Variants in PDE8B observed in about 807,000 individuals in gnomAD.
PDE8B encodes high affinity cAMP-specific and IBMX-insensitive 3',5'-cyclic phosphodiesterase 8B.
PDE8B carries 26 observed loss-of-function variants against 101.3 expected under a neutral mutation model. The ratio of observed to expected loss-of-function variants is 0.26; its 90% confidence interval spans 0.19 to 0.36. The LOEUF (loss-of-function observed/expected upper bound fraction) is 0.36, where lower values mean the gene tolerates loss of function less well. PDE8B is among the 10% of genes least tolerant of loss of function. PDE8B has a pLI of 1.00. For missense variants in PDE8B, 810 were observed against 1,163.1 expected (o/e 0.70, Z 4.42); for synonymous variants, 424 against 429.3 (o/e 0.99, Z 0.15).
At chr5:77,179,151 T>C in the PDE8B span, among the ~76,000 whole-genome samples, 1 of 152,252 alleles carries the variant, frequency 6.6e-6, no homozygotes, top group East Asian at 1.9e-4. Flanking sequence ...GAAAAAATGC[T>C]TGGGCTCCTA....
chr5:77,261,704 C>G (rs1054528033), intron 1 of PDE8B, among the ~76,000 whole-genome samples: 2 of 152,130 alleles, frequency 1.3e-5, no homozygotes, highest in African/African-American at 4.8e-5. Flanking sequence ...CTAGAAGGTT[C>G]CTAAGAGGAT....
chr5:77,369,467 C>T lies in PDE8B; in HGVS notation c.1167+16061C>T, dbSNP rs532984209. Among the ~76,000 whole-genome samples, 14 of 152,108 alleles carry T rather than the reference C, an allele frequency of 9.2e-5. No individual in the cohort carries two copies. The East Asian group carries it at 1.5e-3, about 17-fold the overall frequency. On this transcript the variant is annotated intron_variant, in intron 10 of 21. Coordinates refer to ENST00000264917, the MANE Select transcript of PDE8B (RefSeq NM_003719.5). ...TGGACCGAGGTGACATAAGAGCCAA[C>T]GTCTGGCTAGATATGCAGAGAGAGG... is the stretch of plus-strand genomic sequence containing the variant.
At chr5:77,294,433 C>T (rs1768062517) in intron 1 of PDE8B, among the ~76,000 whole-genome samples, 1 of 152,122 alleles carries the variant, frequency 6.6e-6, no homozygotes, top group South Asian at 2.1e-4. Flanking sequence ...GGGGGCTTCC[C>T]AGGCTCCAGT....
At chr5:77,288,635 C>A (rs1380517748) in intron 1 of PDE8B, among the ~76,000 whole-genome samples, 1 of 152,122 alleles carries the variant, frequency 6.6e-6, no homozygotes, top group African/African-American at 2.4e-5. Context: ...CTTACAGCAG[C>A]CTGCATGCCC....
At chr5:77,290,717 G>C in intron 1 of PDE8B, 1 of 1,498,378 alleles carries the variant, frequency 6.7e-7, no homozygotes, top group Non-Finnish European at 9.3e-7. Flanking sequence ...GCCATGCACT[G>C]ATTGAGCAGT....
At chr5:77,336,089 G>A (rs1209154142) in intron 5 of PDE8B, among the ~76,000 whole-genome samples, 5 of 152,238 alleles carry the variant, frequency 3.3e-5, no homozygotes, top group East Asian at 3.9e-4. Context: ...TAGGTGCTTC[G>A]TAGTTCTTTG....
At chr5:77,216,276 C>T (rs532350017) in intron 1 of PDE8B, among the ~76,000 whole-genome samples, 10 of 152,244 alleles carry the variant, frequency 6.6e-5, no homozygotes, top group African/African-American at 1.7e-4. Context: ...GTCTGTTTCA[C>T]GCTGCTGATA....
intron 10 of PDE8B, among the ~76,000 whole-genome samples, chr5:77,367,165 A>AGG (rs1784296668): frequency 6.6e-6 from 1 of 151,950 alleles, no homozygotes; most frequent in African/African-American, 2.4e-5. Context: ...ACACACACAC[A>AGG]CACACACACA....
At chr5:77,332,566 G>A (rs1387357361) in intron 5 of PDE8B, among the ~76,000 whole-genome samples, 3 of 152,116 alleles carry the variant, frequency 2.0e-5, no homozygotes, top group Non-Finnish European at 2.9e-5. Flanking sequence ...GGCCGGGCAC[G>A]GTGGCTCACG....
the PDE8B span, among the ~76,000 whole-genome samples, chr5:77,096,358 G>C: frequency 6.6e-6 from 1 of 152,136 alleles, no homozygotes; most frequent in African/African-American, 2.4e-5. Context: ...AGCTTCTGGT[G>C]GTGGTTGGCT....
chr5:77,412,747 T>C (rs1205676200), intron 16 of PDE8B, among the ~76,000 whole-genome samples: 1 of 152,096 alleles, frequency 6.6e-6, no homozygotes, highest in Non-Finnish European at 1.5e-5. Context: ...AGCTGTTTTT[T>C]TTTGTCCTTA....
At chr5:77,161,829 G>A in the PDE8B span, among the ~76,000 whole-genome samples, 1 of 151,346 alleles carries the variant, frequency 6.6e-6, no homozygotes, top group Non-Finnish European at 1.5e-5. Context: ...ACTTTTTTTT[G>A]GTATTTTCTT....
chr5:77,334,207 T>C (rs1777685178), intron 5 of PDE8B, among the ~76,000 whole-genome samples: 1 of 152,234 alleles, frequency 6.6e-6, no homozygotes, highest in African/African-American at 2.4e-5. Flanking sequence ...TTGTATTAGA[T>C]TATCTGCTGA....
chr5:77,216,061 TC>T (rs1749628066), intron 1 of PDE8B, among the ~76,000 whole-genome samples: 1 of 152,186 alleles, frequency 6.6e-6, no homozygotes, highest in Admixed American at 6.5e-5. Flanking sequence ...AACCAGTTCT[TC>T]CTTGCACCCT....
At chr5:77,092,900 G>A in the PDE8B span, among the ~76,000 whole-genome samples, 3 of 152,144 alleles carry the variant, frequency 2.0e-5, no homozygotes, top group Non-Finnish European at 4.4e-5. Context: ...CTCCAGCCTG[G>A]GTGATGGAGT....
At chr5:77,346,699 AG>A (rs747681819) in intron 7 of PDE8B, among the ~76,000 whole-genome samples, 103 of 152,254 alleles carry the variant, frequency 6.8e-4, no homozygotes, top group Non-Finnish European at 1.3e-3. Flanking sequence ...CTGCCTTTAA[AG>A]GGAAACTTGG....
chr5:77,132,221 T>G, the PDE8B span, among the ~76,000 whole-genome samples: 1 of 152,158 alleles, frequency 6.6e-6, no homozygotes, highest in Admixed American at 6.5e-5. Flanking sequence ...TGCAACCAAA[T>G]AGAACAAGCC....
At chr5:77,304,970 G>A (rs576872083) in intron 1 of PDE8B, among the ~76,000 whole-genome samples, 101 of 152,286 alleles carry the variant, frequency 6.6e-4, no homozygotes, top group Non-Finnish European at 1.1e-3. Flanking sequence ...AGTCTTGGGT[G>A]GGTGTTGTTA....
chr5:77,233,291 A>G (rs988341737), intron 1 of PDE8B, among the ~76,000 whole-genome samples: 2 of 152,142 alleles, frequency 1.3e-5, no homozygotes, highest in African/African-American at 4.8e-5. Context: ...GATGAAGGCC[A>G]GTCATATGGA....
Sources: gnomAD v4.1 joint callset for allele counts (sites outside exome capture counted in the v4.1 genomes callset) on GRCh38, gnomAD v4.1.1 for gene constraint, MANE v1.5 for transcripts, NCBI Gene and HGNC (gene_info 2026-07-23, HGNC 2026-07-21) for gene names.